The following BARX2 variants were observed in gnomAD, a reference collection of about 807,000 sequenced individuals.
BARX2 encodes BARX homeobox 2.
A neutral mutation model predicts 25.5 loss-of-function variants in BARX2; 11 were observed. That is an observed-to-expected ratio of 0.43 (90% confidence interval 0.27 to 0.71). The LOEUF is 0.71. Among genes scored for constraint, BARX2 ranks in the 30% least tolerant of loss-of-function variants. BARX2 has a pLI of 0.19. For synonymous variants in BARX2, 137 were observed against 149.5 expected, an observed-to-expected ratio of 0.92 and a Z score of 0.61; for missense variants, 360 against 359.9, an observed-to-expected ratio of 1.00 and a Z score of 0.00.
At chr11:129,387,284 C>T (rs768995089) in intron 1 of BARX2, among the ~76,000 whole-genome samples, 8 of 152,136 alleles carry the variant, frequency 5.3e-5, no homozygotes, top group African/African-American at 1.2e-4. Flanking sequence ...AAAGAGCTGC[C>T]GTGGGACTAC....
chr11:129,444,275 A>AATT (rs1421058304), intron 3 of BARX2, among the ~76,000 whole-genome samples: 1 of 152,196 alleles, frequency 6.6e-6, no homozygotes, highest in Non-Finnish European at 1.5e-5. Context: ...CAATGGGAAA[A>AATT]ATTAGGAAAA....
chr11:129,442,259 C>A (rs887914899), intron 2 of BARX2, among the ~76,000 whole-genome samples: 1 of 152,210 alleles, frequency 6.6e-6, no homozygotes, highest in Admixed American at 6.5e-5. Context: ...GTATACGCTG[C>A]CCTGGCTACT....
At chr11:129,391,492 T>C (rs972442536) in intron 1 of BARX2, among the ~76,000 whole-genome samples, 3 of 152,152 alleles carry the variant, frequency 2.0e-5, no homozygotes, top group Non-Finnish European at 2.9e-5. Flanking sequence ...TCCACTAGAC[T>C]GTTGGAAGCA....
At chr11:129,383,120 G>A (rs1159364039) in intron 1 of BARX2, among the ~76,000 whole-genome samples, 1 of 152,168 alleles carries the variant, frequency 6.6e-6, no homozygotes, top group Non-Finnish European at 1.5e-5. Context: ...CAGGAAGAGA[G>A]GTGTTTTGTT....
chr11:129,413,693 C>T (rs1042279830), intron 1 of BARX2, among the ~76,000 whole-genome samples: 21 of 151,744 alleles, frequency 1.4e-4, no homozygotes, highest in Middle Eastern at 3.4e-3. Context: ...GCGGGTGGAA[C>T]GGAAAATGGT....
intron 1 of BARX2, among the ~76,000 whole-genome samples, chr11:129,398,231 C>G (rs1480975291): frequency 1.3e-5 from 2 of 152,136 alleles, no homozygotes; most frequent in Non-Finnish European, 2.9e-5. Context: ...TTGTTTTCTT[C>G]TCTTCATCAT....
Position 129,436,554 on chromosome 11 carries a change from C to A in BARX2, c.188-197C>A. Reference sequence around the variant, plus strand: ...GGGCCGTGGGCTTCATCTTCCCACACAGAGCAGAGCAGACCTCTGTGCCTG... The same window carrying A: ...GGGCCGTGGGCTTCATCTTCCCACAAAGAGCAGAGCAGACCTCTGTGCCTG... On this transcript the variant is annotated intron_variant, in intron 1 of 3. Transcript: ENST00000281437. This position sits in a 1 kb window ranked among gnomAD's most constrained non-coding sequence, Gnocchi z 4.5. 1 of 511,744 alleles carries A rather than the reference C, an allele frequency of 2.0e-6. No individual in the cohort carries two copies. The highest frequency in any genetic ancestry group is 3.3e-6 in the Non-Finnish European group (1 of 300,500). The allele number at this position is 511,744 out of a possible 1,614,324, so 31.7% of individuals were successfully genotyped here. A position where few individuals can be genotyped will look rare whatever the true frequency, so the allele number is the denominator to read the frequency against.
chr11:129,424,004 C>T (rs1862037596), intron 1 of BARX2, among the ~76,000 whole-genome samples: 1 of 152,116 alleles, frequency 6.6e-6, no homozygotes, highest in Admixed American at 6.5e-5. Flanking sequence ...TGCCTGCCAC[C>T]ATGCCTGGCT....
rs1372366704 is a variant in BARX2, at chr11:129,442,532, A to AAGG, written c.489-301_489-299dup. Among the ~76,000 whole-genome samples, 9 of 152,138 alleles carry AAGG rather than the reference A, an allele frequency of 5.9e-5. No individual in the cohort carries two copies. The East Asian group carries it at 1.7e-3, about 29-fold the overall frequency. ...GTGAATGCTCTTGTCAAGCCAGGAA[A>AAGG]AGGACTGTGTGATGAGAAGCCCCAG... On this transcript the variant is annotated intron_variant, in intron 2 of 3. Transcript: ENST00000281437.
rs749556516 is a variant in BARX2, at chr11:129,375,996, C to G, written c.-40C>G. On this transcript the variant is annotated 5_prime_UTR_variant, in exon 1 of 4. Coordinates refer to ENST00000281437, the MANE Select transcript of BARX2 (RefSeq NM_003658.5). This position sits in a 1 kb window ranked among gnomAD's most constrained non-coding sequence, Gnocchi z 4.0. ...GCGGCCCCAGCGGGCCGGGCACTCG[C>G]AGCCGCGCTCGGGCCGGCGGACGCT... 2 of 1,293,824 alleles carry G rather than the reference C, an allele frequency of 1.5e-6. No individual in the cohort carries two copies. The highest frequency in any genetic ancestry group is 4.0e-5 in the South Asian group (2 of 50,046). 80.1% of individuals were successfully genotyped at this position (1,293,824 alleles called of 1,614,324 possible). A position where few individuals can be genotyped will look rare whatever the true frequency, so the allele number is the denominator to read the frequency against.
chr11:129,435,110 T>C (rs764616929), intron 1 of BARX2, among the ~76,000 whole-genome samples: 4 of 152,244 alleles, frequency 2.6e-5, no homozygotes, highest in Admixed American at 1.3e-4. Flanking sequence ...TTCCAACTTC[T>C]TTTCCAAGAA....
At chr11:129,380,499 C>T (rs1028556131) in intron 1 of BARX2, among the ~76,000 whole-genome samples, 3 of 152,048 alleles carry the variant, frequency 2.0e-5, no homozygotes, top group Admixed American at 1.3e-4. Flanking sequence ...AGTCAGAGAC[C>T]CAAACTCATA....
chr11:129,421,828 C>A (rs1358145905), intron 1 of BARX2, among the ~76,000 whole-genome samples: 3 of 152,254 alleles, frequency 2.0e-5, no homozygotes, highest in African/African-American at 4.8e-5. Context: ...TTTCTCTACT[C>A]CTCAGGTTTT....
At chr11:129,392,224 A>T (rs1254736971) in intron 1 of BARX2, among the ~76,000 whole-genome samples, 1 of 152,208 alleles carries the variant, frequency 6.6e-6, no homozygotes, top group Non-Finnish European at 1.5e-5. Flanking sequence ...TTGCGTCTCC[A>T]AGGTAGCCTT....
chr11:129,416,914 A>AT (rs1390807538), intron 1 of BARX2, among the ~76,000 whole-genome samples: 9 of 124,230 alleles, frequency 7.2e-5, no homozygotes, highest in Non-Finnish European at 1.4e-4. Flanking sequence ...TTATTTATTT[A>AT]TTTTTGAGAC....
Position 129,447,042 on chromosome 11 carries a change from G to A in BARX2, c.574-4094G>A, listed in dbSNP as rs77897466. On this transcript the variant is annotated intron_variant, in intron 3 of 3. Coordinates refer to ENST00000281437, the MANE Select transcript of BARX2 (RefSeq NM_003658.5). ...CAGTGGCCCATTTTACATATCCCTC[G>A]CGCATTATGCTGAATGCAATACTGC... is the stretch of plus-strand genomic sequence containing the variant. Among the ~76,000 whole-genome samples, 1,055 of 152,220 alleles carry A rather than the reference G, an allele frequency of 6.9e-3. 14 individuals carry two copies. Among genetic ancestry groups the A allele is most frequent in the African/African-American group, 0.024 (1,009 of 41,516 alleles).
chr11:129,440,234 G>A (rs2135413721), intron 2 of BARX2, among the ~76,000 whole-genome samples: 1 of 152,368 alleles, frequency 6.6e-6, no homozygotes, highest in Middle Eastern at 3.4e-3. Flanking sequence ...AGAGAAAGCT[G>A]ATGACAGTGA....
At chr11:129,416,814 GC>G (rs1861948360) in intron 1 of BARX2, among the ~76,000 whole-genome samples, 1 of 151,358 alleles carries the variant, frequency 6.6e-6, no homozygotes, top group Non-Finnish European at 1.5e-5. Context: ...TTCGGCTGCT[GC>G]TTGAGGCTAT....
chr11:129,375,984 G>A lies in BARX2; in HGVS notation c.-52G>A, dbSNP rs1861498088. The A allele has an allele frequency of 8.7e-7, 1 of 1,147,992 alleles. No individual in the cohort carries two copies. The allele number at this position is 1,147,992 out of a possible 1,614,324, so 71.1% of individuals were successfully genotyped here. A position where few individuals can be genotyped will look rare whatever the true frequency, so the allele number is the denominator to read the frequency against. ...CGCGCCAGCCCCGCGGCCCCAGCGGGCCGGGCACTCGCAGCCGCGCTCGGG... is the reference window on the plus strand; with the variant it reads ...CGCGCCAGCCCCGCGGCCCCAGCGGACCGGGCACTCGCAGCCGCGCTCGGG... On this transcript the variant is annotated 5_prime_UTR_variant, in exon 1 of 4. Transcript: ENST00000281437. The surrounding 1 kb of genome is among the most constrained non-coding windows in gnomAD (Gnocchi z 4.0).
Sources: gnomAD v4.1 joint callset for allele counts (sites outside exome capture counted in the v4.1 genomes callset) on GRCh38, gnomAD v4.1.1 for gene constraint, Gnocchi (gnomAD v3.1) non-coding constraint, MANE v1.5 for transcripts, NCBI Gene and HGNC (gene_info 2026-07-23, HGNC 2026-07-21) for gene names.